TENM2: variants seen among roughly 807,000 people sequenced by gnomAD.
The protein encoded by TENM2 is teneurin transmembrane protein 2.
A neutral mutation model predicts 245.2 loss-of-function variants in TENM2; 52 were observed. The observed-to-expected ratio is 0.21, with a 90% CI of 0.17 to 0.27. The LOEUF is 0.27. Ranked by LOEUF, TENM2 falls within the 10% of genes least tolerant of loss-of-function variation. TENM2 has a pLI of 1.00. For missense variants in TENM2, 3,046 were observed against 3,666.8 expected, an observed-to-expected ratio of 0.83 and a Z score of 4.37; for synonymous variants, 1,363 against 1,438.9, an observed-to-expected ratio of 0.95 and a Z score of 1.19.
intron 1 of TENM2, chr5:167,294,330 G>C (rs1319336031): frequency 6.6e-6 from 1 of 152,148 alleles, no homozygotes; most frequent in Non-Finnish European, 1.5e-5. Flanking sequence ...TGAAATTCTG[G>C]AGAGAGGCTT....
the TENM2 span, among the ~76,000 whole-genome samples, chr5:167,268,285 T>TA: frequency 6.6e-6 from 1 of 152,124 alleles, no homozygotes; most frequent in Admixed American, 6.6e-5. Context: ...TAAACACGTA[T>TA]TATACAGAAA....
chr5:167,992,601 T>A (rs188576942), intron 4 of TENM2, among the ~76,000 whole-genome samples: 129 of 152,282 alleles, frequency 8.5e-4, no homozygotes, highest in African/African-American at 2.3e-3. Context: ...AAAGTTTTTT[T>A]AAAAAATAGT....
intron 2 of TENM2, among the ~76,000 whole-genome samples, chr5:167,850,965 C>T (rs1430563145): frequency 6.6e-6 from 1 of 152,176 alleles, no homozygotes; most frequent in African/African-American, 2.4e-5. Context: ...TGTAATCTTT[C>T]CCACCTAGTA....
chr5:167,433,816 C>T (rs1764383952), intron 2 of TENM2, among the ~76,000 whole-genome samples: 1 of 151,974 alleles, frequency 6.6e-6, no homozygotes, highest in South Asian at 2.1e-4. Context: ...ATGATCTTAT[C>T]TTTTTATGAG....
At chr5:167,596,455 A>G (rs763183446) in intron 2 of TENM2, among the ~76,000 whole-genome samples, 7 of 152,102 alleles carry the variant, frequency 4.6e-5, no homozygotes, top group South Asian at 2.1e-4. Flanking sequence ...GCTAGTTTCT[A>G]TTGTTTCATC....
chr5:167,503,343 A>T (rs1371491467), intron 2 of TENM2, among the ~76,000 whole-genome samples: 1 of 152,134 alleles, frequency 6.6e-6, no homozygotes, highest in East Asian at 1.9e-4. Context: ...CTAATGCTTA[A>T]CTTAGACAGT....
At chr5:167,388,211 A>G (rs1255584460) in intron 2 of TENM2, among the ~76,000 whole-genome samples, 2 of 152,120 alleles carry the variant, frequency 1.3e-5, no homozygotes, top group East Asian at 3.9e-4. Context: ...TGGTCTGTTC[A>G]GGGTATCTAA....
At chr5:167,825,166 T>C (rs1767859996) in intron 2 of TENM2, among the ~76,000 whole-genome samples, 1 of 152,156 alleles carries the variant, frequency 6.6e-6, no homozygotes, top group South Asian at 2.1e-4. Flanking sequence ...CTTCGTATAG[T>C]CAAAGCTTCT....
chr5:168,200,164 T>A (rs1761807266), intron 17 of TENM2, 33 bp downstream of exon 19: 2 of 1,588,880 alleles, frequency 1.3e-6, no homozygotes, highest in African/African-American at 2.7e-5. Flanking sequence ...TATTGATCAA[T>A]GGATTTAGTC....
chr5:167,620,526 T>A (rs1035176819), intron 2 of TENM2, among the ~76,000 whole-genome samples: 1 of 151,388 alleles, frequency 6.6e-6, no homozygotes, highest in African/African-American at 2.4e-5. Flanking sequence ...TTAAACCCTG[T>A]TGGCTAAAAC....
chr5:167,660,363 G>A (rs1582678298), intron 2 of TENM2: 1 of 151,340 alleles, frequency 6.6e-6, no homozygotes, highest in East Asian at 2.0e-4. Context: ...TACTCGTGAG[G>A]CTGAGGCAGG....
At chr5:168,171,500 A>G (rs1758822466) in intron 13 of TENM2, among the ~76,000 whole-genome samples, 1 of 152,242 alleles carries the variant, frequency 6.6e-6, no homozygotes, top group African/African-American at 2.4e-5. Context: ...AGCCTTAGAA[A>G]AAAACACCTC....
chr5:167,190,420 A>G, the TENM2 span, among the ~76,000 whole-genome samples: 2 of 152,018 alleles, frequency 1.3e-5, no homozygotes, highest in African/African-American at 4.8e-5. Flanking sequence ...GGTCATAGCA[A>G]AGGTGTAGTG....
chr5:168,121,939 A>G (rs1464412153), intron 10 of TENM2, among the ~76,000 whole-genome samples: 2 of 152,260 alleles, frequency 1.3e-5, no homozygotes, highest in Non-Finnish European at 2.9e-5. Context: ...GAATTTGTTC[A>G]TAATTTACAG....
At chr5:167,247,693 C>T in the TENM2 span, among the ~76,000 whole-genome samples, 1 of 152,128 alleles carries the variant, frequency 6.6e-6, no homozygotes, top group African/African-American at 2.4e-5. Flanking sequence ...TTTCTTTCTA[C>T]ATTGTTCCTT....
chr5:167,069,381 A>G, the TENM2 span, among the ~76,000 whole-genome samples: 4 of 152,238 alleles, frequency 2.6e-5, no homozygotes, highest in African/African-American at 9.6e-5. Flanking sequence ...TGCAAATTAA[A>G]GAATCTCCAA....
At chr5:167,021,754 A>G in the TENM2 span, among the ~76,000 whole-genome samples, 1 of 152,160 alleles carries the variant, frequency 6.6e-6, no homozygotes, top group Non-Finnish European at 1.5e-5. Context: ...GTGAAAATAT[A>G]ATAGAGTAAA....
chr5:167,242,257 C>T, the TENM2 span, among the ~76,000 whole-genome samples: 19 of 152,000 alleles, frequency 1.3e-4, no homozygotes, highest in Non-Finnish European at 1.2e-4. Flanking sequence ...CCCATGTTGG[C>T]CAGGCTGGTC....
intron 2 of TENM2, among the ~76,000 whole-genome samples, chr5:167,566,862 C>A (rs1450397421): frequency 6.6e-6 from 1 of 152,156 alleles, no homozygotes; most frequent in Non-Finnish European, 1.5e-5. Flanking sequence ...GATAAGGTGG[C>A]TCCGCTACTT....
Sources: gnomAD v4.1 joint callset for allele counts (sites outside exome capture counted in the v4.1 genomes callset) on GRCh38, gnomAD v4.1.1 for gene constraint, MANE v1.5 for transcripts, NCBI Gene and HGNC (gene_info 2026-07-23, HGNC 2026-07-21) for gene names.